The following DLGAP3 variants were observed in gnomAD, a reference collection of about 807,000 sequenced individuals.
The protein encoded by DLGAP3 is DLG associated protein 3.
A neutral mutation model predicts 81.2 loss-of-function variants in DLGAP3; 17 were observed. That is an observed-to-expected ratio of 0.21 (90% CI 0.14 to 0.31). The LOEUF (loss-of-function observed/expected upper bound fraction) is 0.31, where lower values mean the gene tolerates loss of function less well. Among genes scored for constraint, DLGAP3 ranks in the 10% least tolerant of loss-of-function variants. The pLI, the probability that DLGAP3 is intolerant of heterozygous loss-of-function variation, is 1.00. For synonymous variants in DLGAP3, 577 were observed against 587.4 expected (o/e 0.98, Z 0.26); for missense variants, 1,124 against 1,388.0 (o/e 0.81, Z 3.02).
rs376249218 is a variant in DLGAP3 at position 34,868,491 on chromosome 1, C to T, written c.2485+114G>A. The T allele has an allele frequency of 2.9e-4, 253 of 866,466 alleles. 1 individual carries two copies. The East Asian group carries it at 4.9e-3, about 17-fold the overall frequency. 53.7% of individuals were successfully genotyped at this position (866,466 alleles called of 1,614,324 possible). On this transcript the variant is annotated intron_variant, in intron 9 of 11. Coordinates refer to ENST00000373347, the MANE Select transcript of DLGAP3 (RefSeq NM_001080418.3). This position sits in a 1 kb window ranked among gnomAD's most constrained non-coding sequence, Gnocchi z 7.5. ...TCCAGTGCAGAAGACCAGTGAGGCA[C>T]CAACCGAAGGGGCCTCCTGTTACAC...
intron 2 of DLGAP3, among the ~76,000 whole-genome samples, chr1:34,907,022 C>T (rs1639566482): frequency 6.6e-6 from 1 of 152,120 alleles, no homozygotes; most frequent in African/African-American, 2.4e-5. Context: ...TCAAAGGCTC[C>T]AGACAGCAAC....
rs1460280559 is a variant in DLGAP3 at position 34,886,299 on chromosome 1, G to A, written c.1387-14C>T. On this transcript the variant is annotated splice_polypyrimidine_tract_variant and intron_variant, in intron 5 of 11. Coordinates refer to ENST00000373347, the MANE Select transcript of DLGAP3 (RefSeq NM_001080418.3). ...CTCATCGCTGAGCTGGGGGGCAGGG[G>A]GTCGGGAGGACAGTTATAAGGTGCC... is the stretch of plus-strand genomic sequence containing the variant. 1 of 1,561,448 alleles carries A rather than the reference G, an allele frequency of 6.4e-7. No homozygotes were observed. The highest frequency in any genetic ancestry group is 8.7e-7 in the Non-Finnish European group (1 of 1,152,424).
rs562389956 is a variant in DLGAP3, at chr1:34,899,173, A to G, written c.1386+496T>C. 1.3e-3 allele frequency among the ~76,000 whole-genome samples: 197 copies of G among 148,236 alleles called. 1 individual carries two copies. Among genetic ancestry groups the G allele is most frequent in the African/African-American group, 4.6e-3 (184 of 39,886 alleles). ...GGCACCATCTCGGCTCATTCTCGCC[A>G]TTCTCCTGCCTCAGCCTCCCGAGTA... is the stretch of plus-strand genomic sequence containing the variant. On this transcript the variant is annotated intron_variant, in intron 5 of 11. Coordinates refer to ENST00000373347, the MANE Select transcript of DLGAP3 (RefSeq NM_001080418.3).
At position 34,885,010 on chromosome 1, in the gene DLGAP3, G is replaced by A; in HGVS notation, c.1968C>T (p.His656=). 1 of 1,613,504 alleles carries A rather than the reference G, an allele frequency of 6.2e-7. No homozygotes were observed. Among genetic ancestry groups the A allele is most frequent in the Non-Finnish European group, 8.5e-7 (1 of 1,179,970 alleles). Residue 656 remains histidine, a synonymous_variant, in exon 8 of 12, where the codon CAC becomes CAT. Transcript: ENST00000373347. ...DTENRSRREF[H]SIGVQVEEDK... Reference sequence around the variant, plus strand: ...CCTCTTCCACCTGCACGCCAATAGAGTGGAACTCCCTCCGGCTCCTGTTCT... The same window carrying A: ...CCTCTTCCACCTGCACGCCAATAGAATGGAACTCCCTCCGGCTCCTGTTCT...
chr1:34,903,770 C>T lies in DLGAP3; in HGVS notation c.1107+507G>A, dbSNP rs201975834. ...TTCGGCTGTCCCACCACCGGTACCCCGGAATGACAAACCTCAGCAGAGGCA... is the reference window on the plus strand; with the variant it reads ...TTCGGCTGTCCCACCACCGGTACCCTGGAATGACAAACCTCAGCAGAGGCA... On this transcript the variant is annotated intron_variant, in intron 3 of 11. Coordinates refer to ENST00000373347, the MANE Select transcript of DLGAP3 (RefSeq NM_001080418.3). 7.9e-5 allele frequency among the ~76,000 whole-genome samples: 12 copies of T among 152,334 alleles called. No homozygotes were observed. In the East Asian group the frequency reaches 1.9e-3, roughly 24 times the overall value.
In DLGAP3 at chr1:34,868,870, G is replaced by A. The variant is rs542950831; in HGVS notation, c.2220C>T (p.Arg740=). Residue 740 remains arginine (R), a synonymous_variant, in exon 9 of 12, where the codon CGC becomes CGT. Coordinates refer to ENST00000373347, the MANE Select transcript of DLGAP3 (RefSeq NM_001080418.3). This position sits in a 1 kb window ranked among gnomAD's most constrained non-coding sequence, Gnocchi z 7.5. ...GCTCGTACGGCAGTGGGTAGCCCTC[G>A]CGGTAGGCCCACTGGCCCTGCGTGT... The part of the protein sequence containing the change: ...TVHTQGQWAY[R]EGYPLPYEPP... The A allele has an allele frequency of 1.0e-5, 16 of 1,592,770 alleles. 1 individual carries two copies. The Middle Eastern group carries it at 5.0e-4, about 49-fold the overall frequency.
At chr1:34,884,185 C>T (rs1383150021) in intron 8 of DLGAP3, among the ~76,000 whole-genome samples, 1 of 152,070 alleles carries the variant, frequency 6.6e-6, no homozygotes, top group East Asian at 1.9e-4. Flanking sequence ...TTCCAAAGTG[C>T]TGGGATTACA....
chr1:34,912,467 G>C (rs1323636383), intron 1 of DLGAP3, among the ~76,000 whole-genome samples: 1 of 152,208 alleles, frequency 6.6e-6, no homozygotes. Flanking sequence ...CCAGGAAGTT[G>C]TCTGGGAGAG....
At position 34,885,427 on chromosome 1, in the gene DLGAP3, G is replaced by T. The variant is rs1199825477; in HGVS notation, c.1914+51C>A. 4 of 1,589,306 alleles carry T rather than the reference G, an allele frequency of 2.5e-6. No individual in the cohort carries two copies. The Admixed American group carries it at 6.8e-5, about 27-fold the overall frequency. On this transcript the variant is annotated intron_variant, in intron 7 of 11. Transcript: ENST00000373347. Reference sequence around the variant, plus strand: ...AGGCCGCTTCCAGCCCCTCACCCCAGCCCCGACCGACCAGGGTCAGAGCCC... The same window carrying T: ...AGGCCGCTTCCAGCCCCTCACCCCATCCCCGACCGACCAGGGTCAGAGCCC...
intron 1 of DLGAP3, among the ~76,000 whole-genome samples, chr1:34,928,003 T>C (rs895690444): frequency 6.6e-6 from 1 of 152,208 alleles, no homozygotes; most frequent in Non-Finnish European, 1.5e-5. Flanking sequence ...GCTGTTTTTG[T>C]AGGTTAAATA....
chr1:34,908,835 C>T (rs565089107), intron 1 of DLGAP3, among the ~76,000 whole-genome samples: 2 of 152,306 alleles, frequency 1.3e-5, no homozygotes, highest in East Asian at 3.9e-4. Flanking sequence ...CTAGGGTGAC[C>T]TCACAGATAC....
chr1:34,866,171 T>C lies in DLGAP3; in HGVS notation c.2852A>G (p.Lys951Arg). Residue 951 changes from lysine to arginine, a missense_variant, in exon 12 of 12, where the codon AAG (lysine) becomes AGG (arginine). Lys to Arg is a conservative substitution (Grantham distance 26). Coordinates refer to ENST00000373347, the MANE Select transcript of DLGAP3 (RefSeq NM_001080418.3). The part of the protein sequence containing the change: ...QEARKRLLAA[K>R]RAASFRHSSA... ...GCTGTGGCGGAAGGAAGCGGCGCGC[T>C]TGGCCGCCAGGAGCCGCTTGCGCGC... 1 of 1,595,232 alleles carries C rather than the reference T, an allele frequency of 6.3e-7. No individual in the cohort carries two copies. The highest frequency in any genetic ancestry group is 8.5e-7 in the Non-Finnish European group (1 of 1,177,502).
At chr1:34,923,123 C>T (rs967110752) in intron 1 of DLGAP3, among the ~76,000 whole-genome samples, 15 of 152,016 alleles carry the variant, frequency 9.9e-5, no homozygotes, top group Admixed American at 6.6e-4. Flanking sequence ...AAAGAAAGAA[C>T]GAAAGAAAAG....
chr1:34,899,813 T>G, intron 4 of DLGAP3, 72 bp from the exon 5 acceptor site: 1 of 1,444,286 alleles, frequency 6.9e-7, no homozygotes, highest in Non-Finnish European at 9.7e-7. Flanking sequence ...ATAATAGCAC[T>G]GGGGCCCCTG....
chr1:34,900,019 C>T lies in DLGAP3; in HGVS notation c.1313+49G>A. On this transcript the variant is annotated intron_variant, in intron 4 of 11. Transcript: ENST00000373347. The surrounding 1 kb of genome is among the most constrained non-coding windows in gnomAD (Gnocchi z 5.6). Reference sequence around the variant, plus strand: ...CTCTACACACATCTCCCGCAGGAGTCCAGCATCAGCCTCCTGACCCCGCAC... The same window carrying T: ...CTCTACACACATCTCCCGCAGGAGTTCAGCATCAGCCTCCTGACCCCGCAC... The T allele has an allele frequency of 1.3e-6, 2 of 1,524,650 alleles. No individual in the cohort carries two copies. The highest frequency in any genetic ancestry group is 1.1e-5 in the South Asian group (1 of 88,492). 94.4% of individuals were successfully genotyped at this position (1,524,650 alleles called of 1,614,324 possible).
At chr1:34,899,569 T>G in intron 5 of DLGAP3, 100 bp downstream of exon 5, 1 of 1,073,342 alleles carries the variant, frequency 9.3e-7, no homozygotes, top group East Asian at 2.4e-5. Context: ...AGGCCTGAGC[T>G]CTCTCCACAG....
In DLGAP3 at chr1:34,900,377, C is replaced by T; in HGVS notation, c.1108-104G>A. The T allele has an allele frequency of 5.2e-6, 6 of 1,161,990 alleles. No individual in the cohort carries two copies. Among genetic ancestry groups the T allele is most frequent in the Middle Eastern group, 2.0e-4 (1 of 4,950 alleles). The allele number at this position is 1,161,990 out of a possible 1,614,324, so 72.0% of individuals were successfully genotyped here. A position where few individuals can be genotyped will look rare whatever the true frequency, so the allele number is the denominator to read the frequency against. On this transcript the variant is annotated intron_variant, in intron 3 of 11. Coordinates refer to ENST00000373347, the MANE Select transcript of DLGAP3 (RefSeq NM_001080418.3). The surrounding 1 kb of genome is among the most constrained non-coding windows in gnomAD (Gnocchi z 5.6). ...GGGAGATGCCCTGCCCTGGCTTGAACAGGCACACTCAGGTACATGCAGAGG... is the reference window on the plus strand; with the variant it reads ...GGGAGATGCCCTGCCCTGGCTTGAATAGGCACACTCAGGTACATGCAGAGG...
At position 34,873,436 on chromosome 1, in the gene DLGAP3, C is replaced by T. The variant is rs549325707; in HGVS notation, c.2001-4347G>A. 3.0e-4 allele frequency among the ~76,000 whole-genome samples: 45 copies of T among 152,198 alleles called. No individual in the cohort carries two copies. Among genetic ancestry groups the T allele is most frequent in the African/African-American group, 1.0e-3 (43 of 41,530 alleles). On this transcript the variant is annotated intron_variant, in intron 8 of 11. Transcript: ENST00000373347. The surrounding 1 kb of genome is among the most constrained non-coding windows in gnomAD (Gnocchi z 4.2). ...CCTTGCCCGGGTCCAAAACCCAGCT[C>T]GGTGGCTTGTGCCTCATTTTCCCAT... is the stretch of plus-strand genomic sequence containing the variant.
intron 8 of DLGAP3, among the ~76,000 whole-genome samples, chr1:34,883,250 C>T (rs1039240716): frequency 1.3e-5 from 2 of 152,172 alleles, no homozygotes; most frequent in African/African-American, 4.8e-5. Context: ...TAACACAGTG[C>T]ATAGGAGCTG....
Sources: allele counts gnomAD v4.1 joint callset (sites outside exome capture counted in the v4.1 genomes callset), GRCh38; gene constraint gnomAD v4.1.1; non-coding constraint Gnocchi (gnomAD v3.1); transcripts MANE v1.5; gene names NCBI Gene and HGNC (gene_info 2026-07-23, HGNC 2026-07-21).